DSCAML1: variants seen among roughly 807,000 people sequenced by gnomAD.
DSCAML1 encodes the protein DS cell adhesion molecule like 1.
A neutral mutation model predicts 200.5 loss-of-function variants in DSCAML1; 38 were observed. The observed-to-expected ratio is 0.19, with a 90% CI of 0.15 to 0.25. The LOEUF is 0.25. DSCAML1 is among the 10% of genes least tolerant of loss of function. The pLI, the probability that DSCAML1 is intolerant of heterozygous loss-of-function variation, is 1.00. For missense variants in DSCAML1, 2,223 were observed against 2,858.8 expected, an observed-to-expected ratio of 0.78 and a Z score of 5.07; for synonymous variants, 1,215 against 1,165.0, an observed-to-expected ratio of 1.04 and a Z score of -0.87.
At chr11:117,797,884 C>A (rs2134082076), upstream of DSCAML1, among the ~76,000 whole-genome samples, 1 of 152,304 alleles carries the variant, frequency 6.6e-6, no homozygotes, top group Non-Finnish European at 1.5e-5. Flanking sequence ...ACCTACCCAC[C>A]CCTATAGCTT....
intron 3 of DSCAML1, among the ~76,000 whole-genome samples, chr11:117,621,580 T>C (rs1193991278): frequency 6.6e-6 from 1 of 152,218 alleles, no homozygotes; most frequent in Non-Finnish European, 1.5e-5. Flanking sequence ...CTTTAAAAAA[T>C]GTTAATGTAC....
chr11:117,803,800 C>T (rs2055683111), intron 1 of DSCAML1, among the ~76,000 whole-genome samples: 1 of 152,166 alleles, frequency 6.6e-6, no homozygotes, highest in South Asian at 2.1e-4. Context: ...ATTTTCCTCC[C>T]CAGAGAAGAG....
At chr11:117,557,227 A>C (rs2050574664) in intron 3 of DSCAML1, among the ~76,000 whole-genome samples, 1 of 152,164 alleles carries the variant, frequency 6.6e-6, no homozygotes, top group South Asian at 2.1e-4. Flanking sequence ...GCAGTGTGGC[A>C]GGGGAGGCTC....
At chr11:117,479,358 T>A (rs1199356852) in intron 14 of DSCAML1, among the ~76,000 whole-genome samples, 1 of 152,268 alleles carries the variant, frequency 6.6e-6, no homozygotes, top group South Asian at 2.1e-4. Flanking sequence ...GCTTTATTTA[T>A]AGTTTAATTT....
intron 3 of DSCAML1, among the ~76,000 whole-genome samples, chr11:117,597,121 G>T (rs1591306767): frequency 1.3e-5 from 2 of 152,166 alleles, no homozygotes; most frequent in Admixed American, 1.3e-4. Flanking sequence ...CTGTAGGTTT[G>T]CAAATAATGA....
At chr11:117,551,602 T>C (rs1237240508) in intron 3 of DSCAML1, among the ~76,000 whole-genome samples, 4 of 152,198 alleles carry the variant, frequency 2.6e-5, no homozygotes, top group African/African-American at 9.6e-5. Context: ...TTGTCATCCT[T>C]CTGCCACCTG....
chr11:117,751,715 G>A (rs1332737265), intron 3 of DSCAML1, among the ~76,000 whole-genome samples: 2 of 152,022 alleles, frequency 1.3e-5, no homozygotes, highest in Non-Finnish European at 2.9e-5. Context: ...GCCACCTGGG[G>A]GAAAAAATGG....
At chr11:117,754,041 G>A (rs919919149) in intron 3 of DSCAML1, among the ~76,000 whole-genome samples, 3 of 152,196 alleles carry the variant, frequency 2.0e-5, no homozygotes, top group African/African-American at 4.8e-5. Flanking sequence ...TGGAGAGGCA[G>A]CAAGAAAAGA....
chr11:117,447,729 G>C (rs534015104), intron 20 of DSCAML1, among the ~76,000 whole-genome samples: 7 of 152,218 alleles, frequency 4.6e-5, no homozygotes, highest in African/African-American at 1.7e-4. Flanking sequence ...TGGTTCATCC[G>C]CTCCCGCCAG....
intron 3 of DSCAML1, among the ~76,000 whole-genome samples, chr11:117,543,886 A>T (rs1382058209): frequency 6.6e-6 from 1 of 151,918 alleles, no homozygotes; most frequent in African/African-American, 2.4e-5. Flanking sequence ...GTGCATAGGT[A>T]TTCACATGGG....
chr11:117,707,015 G>C (rs1422033644), intron 3 of DSCAML1, among the ~76,000 whole-genome samples: 1 of 152,202 alleles, frequency 6.6e-6, no homozygotes, highest in Non-Finnish European at 1.5e-5. Flanking sequence ...CCCAGGAGCA[G>C]CAGAATCTAG....
rs545101408 is a variant in DSCAML1 at position 117,465,197 on chromosome 11, T to C, written c.3025-15A>G. ...TTCTTGGGTGCCTGTGAGCATGGGG[T>C]GGGGGTGGGCACAAAGAAATGGCAA... is the stretch of plus-strand genomic sequence containing the variant. On this transcript the variant is annotated splice_polypyrimidine_tract_variant and intron_variant, in intron 16 of 32. Coordinates refer to ENST00000651296, the MANE Select transcript of DSCAML1 (RefSeq NM_020693.4). 1.9e-6 allele frequency: 3 copies of C among 1,581,566 alleles called. No homozygotes were observed. In the East Asian group the frequency reaches 6.8e-5, roughly 36 times the overall value.
At chr11:117,535,199 C>G (rs184314892) in intron 3 of DSCAML1, among the ~76,000 whole-genome samples, 1 of 152,276 alleles carries the variant, frequency 6.6e-6, no homozygotes, top group Non-Finnish European at 1.5e-5. Context: ...GAGGCACCCC[C>G]GTTATACTAC....
rs557162800 is a variant in DSCAML1, at chr11:117,440,325, A to G, written c.3863-389T>C. Reference sequence around the variant, plus strand: ...GAGGCAGGGGGAATGAATGCTGCCCATAAGTGGGCAGTGGAGGCAACGGCC... The same window carrying G: ...GAGGCAGGGGGAATGAATGCTGCCCGTAAGTGGGCAGTGGAGGCAACGGCC... On this transcript the variant is annotated intron_variant, in intron 21 of 32. Coordinates refer to ENST00000651296, the MANE Select transcript of DSCAML1 (RefSeq NM_020693.4). 1.1e-4 allele frequency among the ~76,000 whole-genome samples: 17 copies of G among 152,328 alleles called. 1 individual carries two copies. In the South Asian group the frequency reaches 3.1e-3, roughly 28 times the overall value.
intron 3 of DSCAML1, among the ~76,000 whole-genome samples, chr11:117,737,181 T>A (rs2054332656): frequency 6.6e-6 from 1 of 152,250 alleles, no homozygotes; most frequent in South Asian, 2.1e-4. Context: ...GCTTTAAACC[T>A]TCCTGGGTTT....
rs779073642 is a variant in DSCAML1, at chr11:117,428,622, G to A, written c.5868C>T (p.Pro1956=). 7 of 1,609,538 alleles carry A rather than the reference G, an allele frequency of 4.3e-6. No homozygotes were observed. The highest frequency in any genetic ancestry group is 5.9e-6 in the Non-Finnish European group (7 of 1,178,356). ...AGGCGGCAGCGGGGGCCCCTGGGTGGGGAAGGCCCAAGGACTTGCTGGCAG... is the reference window on the plus strand; with the variant it reads ...AGGCGGCAGCGGGGGCCCCTGGGTGAGGAAGGCCCAAGGACTTGCTGGCAG... ...LDPASKSLGL[P]HPGAPAAAST... Residue 1956 remains proline (P), a synonymous_variant, in exon 33 of 33, where the codon CCC becomes CCT. Transcript: ENST00000651296.
chr11:117,485,442 C>T (rs552664976), intron 11 of DSCAML1, among the ~76,000 whole-genome samples: 55 of 152,318 alleles, frequency 3.6e-4, no homozygotes, highest in African/African-American at 1.2e-3. Flanking sequence ...TCAGGGGAGC[C>T]CGTTCATGAG....
intron 3 of DSCAML1, among the ~76,000 whole-genome samples, chr11:117,553,163 C>T (rs1480319094): frequency 3.3e-5 from 5 of 152,016 alleles, no homozygotes; most frequent in Admixed American, 2.0e-4. Context: ...AGTGCAAGAG[C>T]CTAAAATGAT....
At chr11:117,816,918 T>C (rs1157008985) in intron 1 of DSCAML1, among the ~76,000 whole-genome samples, 2 of 152,148 alleles carry the variant, frequency 1.3e-5, no homozygotes, top group Non-Finnish European at 2.9e-5. Context: ...GCGATCGGCC[T>C]GTCTGAGGCT....
Sources: gnomAD v4.1 joint callset for allele counts (sites outside exome capture counted in the v4.1 genomes callset) on GRCh38, gnomAD v4.1.1 for gene constraint, MANE v1.5 for transcripts, NCBI Gene and HGNC (gene_info 2026-07-23, HGNC 2026-07-21) for gene names.